CARMIL2: variants seen among roughly 807,000 people sequenced by gnomAD.
The protein encoded by CARMIL2 is capping protein regulator and myosin 1 linker 2, also known as capping protein, Arp2/3 and myosin-I linker protein 2.
A neutral mutation model predicts 173.3 loss-of-function variants in CARMIL2; 96 were observed. The ratio of observed to expected loss-of-function variants is 0.55; its 90% CI spans 0.47 to 0.66. The LOEUF (loss-of-function observed/expected upper bound fraction) is 0.66. Ranked by LOEUF, CARMIL2 falls within the 30% of genes least tolerant of loss-of-function variation. The pLI is 0.00. For missense variants in CARMIL2, 1,771 were observed against 1,906.7 expected (o/e 0.93, Z 1.33); for synonymous variants, 830 against 817.1 (o/e 1.02, Z -0.27).
In CARMIL2 at chr16:67,647,174, T is replaced by C; in HGVS notation, c.670T>C (p.Cys224Arg). 1.2e-6 allele frequency: 2 copies of C among 1,613,750 alleles called. No homozygotes were observed. Among genetic ancestry groups the C allele is most frequent in the Non-Finnish European group, 1.7e-6 (2 of 1,179,828 alleles). ...CAACCTGTGGTTCCGGTGCCTCTCC[T>C]GTGTGGACATGAAGCTGGTGAGGGG... The part of the protein sequence containing the change: ...SYNLWFRCLS[C>R]VDMKLSLEVS... Residue 224 changes from cysteine (C) to arginine (R), a missense_variant, in exon 9 of 38, where the codon TGT becomes CGT. By Grantham distance (180) the Cys-to-Arg change is radical. Transcript: ENST00000334583.
At position 67,649,905 on chromosome 16, in the gene CARMIL2, A is replaced by C. The variant is rs1242162888; in HGVS notation, c.2019A>C (p.Pro673=). Residue 673 remains proline, a synonymous_variant, in exon 21 of 38, where the codon CCA becomes CCC. Transcript: ENST00000334583. The surrounding 1 kb of genome is among the most constrained non-coding windows in gnomAD (Gnocchi z 6.7). ...QNHSLKAMPL[P]LNDVAQAQRS... is the part of the protein sequence containing the mutation. ...ACAGCCTGAAGGCCATGCCTCTGCCACTGAACGACGTGGCCCAGGCGCAGC... is the reference window on the plus strand; with the variant it reads ...ACAGCCTGAAGGCCATGCCTCTGCCCCTGAACGACGTGGCCCAGGCGCAGC... The C allele has an allele frequency of 2.5e-6, 4 of 1,613,024 alleles. No homozygotes were observed. Among genetic ancestry groups the C allele is most frequent in the Non-Finnish European group, 3.4e-6 (4 of 1,179,810 alleles).
In CARMIL2 at chr16:67,648,949, G is replaced by T. The variant is rs758246872; in HGVS notation, c.1566G>T (p.Val522=). Residue 522 remains valine, a synonymous_variant, in exon 17 of 38, where the codon GTG becomes GTT. Transcript: ENST00000334583. The surrounding 1 kb of genome is among the most constrained non-coding windows in gnomAD (Gnocchi z 6.1). ...ACTTAGTGTGCGACGCAGGCGCTGTGAGCTCCCTGGATCTGGCGGATAACG... is the reference window on the plus strand; with the variant it reads ...ACTTAGTGTGCGACGCAGGCGCTGTTAGCTCCCTGGATCTGGCGGATAACG... The part of the protein sequence containing the change: ...IQDLVCDAGA[V]SSLDLADNGF... The T allele has an allele frequency of 1.2e-6, 2 of 1,609,932 alleles. No individual in the cohort carries two copies. Among genetic ancestry groups the T allele is most frequent in the Admixed American group, 1.7e-5 (1 of 59,484 alleles).
At position 67,648,569 on chromosome 16, in the gene CARMIL2, C is replaced by T; in HGVS notation, c.1439+67C>T. 6.8e-7 allele frequency: 1 copy of T among 1,471,978 alleles called. No homozygotes were observed. Among genetic ancestry groups the T allele is most frequent in the East Asian group, 2.5e-5 (1 of 40,288 alleles). The allele number at this position is 1,471,978 out of a possible 1,614,324, so 91.2% of individuals were successfully genotyped here. A position where few individuals can be genotyped will look rare whatever the true frequency, so the allele number is the denominator to read the frequency against. On this transcript the variant is annotated intron_variant, in intron 15 of 37. Coordinates refer to ENST00000334583, the MANE Select transcript of CARMIL2 (RefSeq NM_001013838.3). This position sits in a 1 kb window ranked among gnomAD's most constrained non-coding sequence, Gnocchi z 6.1. ...CCCTGCCCTGGCCTTCGCCCCTCCCCGCTCCTGCTTCTGTCGCTCCCACAA... is the reference window on the plus strand; with the variant it reads ...CCCTGCCCTGGCCTTCGCCCCTCCCTGCTCCTGCTTCTGTCGCTCCCACAA...
At position 67,648,340 on chromosome 16, in the gene CARMIL2, G is replaced by A; in HGVS notation, c.1334+26G>A. On this transcript the variant is annotated intron_variant, in intron 14 of 37. Coordinates refer to ENST00000334583, the MANE Select transcript of CARMIL2 (RefSeq NM_001013838.3). This position sits in a 1 kb window ranked among gnomAD's most constrained non-coding sequence, Gnocchi z 6.1. ...GTAAGGGGGACCTGTCGGGGCCGGG[G>A]GAGGCTGCTGGAAGCCGCCTCCTTG... 2 of 1,567,388 alleles carry A rather than the reference G, an allele frequency of 1.3e-6. No homozygotes were observed. Among genetic ancestry groups the A allele is most frequent in the South Asian group, 2.3e-5 (2 of 87,062 alleles).
At position 67,645,195 on chromosome 16, in the gene CARMIL2, C is replaced by T. The variant is rs1784422218; in HGVS notation, c.-52C>T. The T allele has an allele frequency of 1.4e-6, 2 of 1,474,704 alleles. No homozygotes were observed. 91.4% of individuals were successfully genotyped at this position (1,474,704 alleles called of 1,614,324 possible). ...CCAGGCTTCCTGTGTGCGCGCTCGT[C>T]CTCTGCTGTTTCCCGCCGGAGCTCG... On this transcript the variant is annotated 5_prime_UTR_variant, in exon 1 of 38. Coordinates refer to ENST00000334583, the MANE Select transcript of CARMIL2 (RefSeq NM_001013838.3).
At position 67,645,654 on chromosome 16, in the gene CARMIL2, G is replaced by A. The variant is rs370161826; in HGVS notation, c.132+23G>A. On this transcript the variant is annotated intron_variant, in intron 2 of 37. Transcript: ENST00000334583. ...CTGGTATGGGGCAGGGGACAGAGCC[G>A]GGGAGGCGGCTGTGGCCCCACAGAA... The A allele has an allele frequency of 1.1e-4, 181 of 1,613,118 alleles. 2 individuals are homozygous for A. In the Middle Eastern group the frequency reaches 3.8e-3, roughly 34 times the overall value.
In CARMIL2 at chr16:67,656,886, G is replaced by A; in HGVS notation, c.4117+5G>A. The stretch of plus-strand genomic sequence containing the variant: ...ACCAGCTCCAGGCCCCTGCTGGTGA[G>A]GGGAGACACCTCCACGTGTGCTTGA... On this transcript the variant is annotated splice_donor_5th_base_variant and intron_variant, in intron 36 of 37. Transcript: ENST00000334583. The A allele has an allele frequency of 6.5e-7, 1 of 1,542,606 alleles. No individual in the cohort carries two copies. Among genetic ancestry groups the A allele is most frequent in the Non-Finnish European group, 8.8e-7 (1 of 1,141,208 alleles).
chr16:67,654,440 G>A lies in CARMIL2; in HGVS notation c.3330G>A (p.Thr1110=), dbSNP rs773523657. ...TTGCCTTCAAGAAGCCTCGTTCAACGCGGGGTCCACGGACTGATCTAGAGA... is the reference window on the plus strand; with the variant it reads ...TTGCCTTCAAGAAGCCTCGTTCAACACGGGGTCCACGGACTGATCTAGAGA... ...TLFAFKKPRS[T]RGPRTDLETS... The change falls in exon 31 of 38, where the codon ACG becomes ACA. Residue 1110 remains threonine (T), a synonymous_variant. Coordinates refer to ENST00000334583, the MANE Select transcript of CARMIL2 (RefSeq NM_001013838.3). 3.1e-6 allele frequency: 5 copies of A among 1,612,664 alleles called. No individual in the cohort carries two copies. In the African/African-American group the frequency reaches 4.0e-5, roughly 13 times the overall value.
chr16:67,648,245 C>T lies in CARMIL2; in HGVS notation c.1265C>T (p.Ala422Val), dbSNP rs780414233. 12 of 1,602,562 alleles carry T rather than the reference C, an allele frequency of 7.5e-6. No homozygotes were observed. The highest frequency in any genetic ancestry group is 9.3e-6 in the Non-Finnish European group (11 of 1,176,854). Residue 422 changes from alanine (A) to valine (V), a missense_variant, in exon 14 of 38, where the codon GCA (alanine) becomes GTA (valine). Ala to Val is a moderately conservative substitution (Grantham distance 64). This residue lies in a region of CARMIL2 where 944 missense variants were observed against 975.6 expected (regional missense o/e 0.97). Transcript: ENST00000334583. This position sits in a 1 kb window ranked among gnomAD's most constrained non-coding sequence, Gnocchi z 6.1. ...AACAGCCTCCCCCCGCAGCTCTTCG[C>T]AGCGGTATCCCGAGGCTGCTGCACC... Reference protein sequence around the residue: ...VANSLPPQLFAAVSRGCCTSL... With the variant: ...VANSLPPQLFVAVSRGCCTSL...
rs1217007834 is a variant in CARMIL2 at position 67,647,879 on chromosome 16, A to G, written c.992A>G (p.Asn331Ser). 3.1e-6 allele frequency: 5 copies of G among 1,611,122 alleles called. No homozygotes were observed. Among genetic ancestry groups the G allele is most frequent in the Non-Finnish European group, 4.2e-6 (5 of 1,178,914 alleles). Residue 331 changes from asparagine to serine, a missense_variant, in exon 13 of 38, where the codon AAT becomes AGT. Asn to Ser is a conservative substitution (Grantham distance 46). Around this residue, in one of 3 missense-constraint regions of CARMIL2, gnomAD observed 944 missense variants for 975.6 expected, o/e 0.97. Transcript: ENST00000334583. ...MRALGRALAT[N>S]AAFDSTLTHL... Reference sequence around the variant, plus strand: ...GCTCTGGGCCGGGCACTGGCCACCAATGCCGCCTTCGACTCCACCCTGACC... The same window carrying G: ...GCTCTGGGCCGGGCACTGGCCACCAGTGCCGCCTTCGACTCCACCCTGACC...
At position 67,645,522 on chromosome 16, in the gene CARMIL2, C is replaced by T; in HGVS notation, c.41-18C>T. On this transcript the variant is annotated intron_variant, in intron 1 of 37. Transcript: ENST00000334583. ...CTGTGCAAGGACTGAAGTCACCCAG[C>T]AGGCTGCCCTTCCACAGGCGAGATC... 1 of 1,576,638 alleles carries T rather than the reference C, an allele frequency of 6.3e-7. No individual in the cohort carries two copies. The highest frequency in any genetic ancestry group is 8.6e-7 in the Non-Finnish European group (1 of 1,160,542).
intron 21 of CARMIL2, 34 bp from the exon 22 acceptor site, chr16:67,650,015 T>G: frequency 6.2e-7 from 1 of 1,613,490 alleles, no homozygotes; most frequent in South Asian, 1.1e-5. Flanking sequence ...GGTAACTCCG[T>G]CCCTCGGCAT....
intron 34 of CARMIL2, 50 bp from the exon 35 acceptor site, chr16:67,656,374 C>A (rs763951267): frequency 3.1e-6 from 5 of 1,610,074 alleles, no homozygotes; most frequent in Non-Finnish European, 4.2e-6. Context: ...GTTGTTCAGA[C>A]CTATCGCCAA....
intron 1 of CARMIL2, 26 bp downstream of exon 1, chr16:67,645,312 T>A (rs2052573336): frequency 1.3e-6 from 2 of 1,593,524 alleles, no homozygotes; most frequent in Admixed American, 1.7e-5. Flanking sequence ...TCCTGCCTTC[T>A]TGGCCGGGAG....
intron 9 of CARMIL2, 54 bp downstream of exon 9, chr16:67,647,245 C>T (rs2052610500): frequency 1.9e-6 from 3 of 1,610,566 alleles, no homozygotes; most frequent in African/African-American, 2.7e-5. Context: ...GGCCAGGGTG[C>T]AGCCCGCTGA....
At position 67,652,160 on chromosome 16, in the gene CARMIL2, G is replaced by A. The variant is rs751956152; in HGVS notation, c.2677-39G>A. 3.1e-6 allele frequency: 5 copies of A among 1,606,190 alleles called. No homozygotes were observed. In the Admixed American group the frequency reaches 8.4e-5, roughly 27 times the overall value. ...AGTTAGCATCAATGGGATCATGGCT[G>A]AGGCCCTACCTGCCATCTTTGGCTG... On this transcript the variant is annotated intron_variant, in intron 26 of 37. Coordinates refer to ENST00000334583, the MANE Select transcript of CARMIL2 (RefSeq NM_001013838.3). The surrounding 1 kb of genome is among the most constrained non-coding windows in gnomAD (Gnocchi z 4.7).
Position 67,653,053 on chromosome 16 carries a change from G to A in CARMIL2, c.2919G>A (p.Leu973=). The change falls in exon 29 of 38, where the codon CTG becomes CTA. Residue 973 remains leucine (L), a synonymous_variant. Transcript: ENST00000334583. The surrounding 1 kb of genome is among the most constrained non-coding windows in gnomAD (Gnocchi z 7.4). ...AGGAAGCGGAGCCGGAGCCCGAGCTGGCGGCTCCGGGAGAAGATGCAGAGC... is the reference window on the plus strand; with the variant it reads ...AGGAAGCGGAGCCGGAGCCCGAGCTAGCGGCTCCGGGAGAAGATGCAGAGC... ...AAEEAEPEPE[L]AAPGEDAEPQ... 7.9e-7 allele frequency: 1 copy of A among 1,268,664 alleles called. No homozygotes were observed. The highest frequency in any genetic ancestry group is 1.0e-6 in the Non-Finnish European group (1 of 996,178). 78.6% of individuals were successfully genotyped at this position (1,268,664 alleles called of 1,614,324 possible). A position where few individuals can be genotyped will look rare whatever the true frequency, so the allele number is the denominator to read the frequency against.
In CARMIL2 at chr16:67,651,484, G is replaced by C; in HGVS notation, c.2397G>C (p.Gln799His). 6.3e-7 allele frequency: 1 copy of C among 1,596,918 alleles called. No individual in the cohort carries two copies. Among genetic ancestry groups the C allele is most frequent in the South Asian group, 1.1e-5 (1 of 88,322 alleles). ...LGQKLEGLLR[Q>H]VGEVCRQDIQ... is the part of the protein sequence containing the mutation. Reference sequence around the variant, plus strand: ...AGAAGCTGGAGGGCCTTCTGAGACAGGTGGGCGAGGTCTGCCGCCAGGACA... The same window carrying C: ...AGAAGCTGGAGGGCCTTCTGAGACACGTGGGCGAGGTCTGCCGCCAGGACA... Residue 799 changes from glutamine (Q) to histidine (H), a missense_variant, in exon 24 of 38, where the codon CAG becomes CAC. Gln to His is a conservative substitution (Grantham distance 24). This residue lies in a region of CARMIL2 where 817 missense variants were observed against 903.5 expected (regional missense o/e 0.90). Transcript: ENST00000334583. This position sits in a 1 kb window ranked among gnomAD's most constrained non-coding sequence, Gnocchi z 4.2.
chr16:67,657,251 G>A lies in CARMIL2; in HGVS notation c.4130G>A (p.Arg1377Lys). 6.2e-7 allele frequency: 1 copy of A among 1,613,760 alleles called. No homozygotes were observed. Among genetic ancestry groups the A allele is most frequent in the Non-Finnish European group, 8.5e-7 (1 of 1,179,818 alleles). The part of the protein sequence containing the change: ...QLQAPAERPL[R>K]LQRSPVLKRR... ...CTGTGTCCCTTAGAACGGCCCCTGA[G>A]GCTGCAGCGCTCCCCCGTCCTCAAA... Residue 1377 changes from arginine to lysine, a missense_variant, in exon 37 of 38, where the codon AGG becomes AAG. This residue lies in a region of CARMIL2 where 817 missense variants were observed against 903.5 expected (regional missense o/e 0.90). Coordinates refer to ENST00000334583, the MANE Select transcript of CARMIL2 (RefSeq NM_001013838.3). This position sits in a 1 kb window ranked among gnomAD's most constrained non-coding sequence, Gnocchi z 4.5.
Sources: gnomAD v4.1 joint callset for allele counts on GRCh38, gnomAD v4.1.1 for gene constraint, gnomAD v4.1.1 regional missense constraint, Gnocchi (gnomAD v3.1) non-coding constraint, MANE v1.5 for transcripts, NCBI Gene and HGNC (gene_info 2026-07-23, HGNC 2026-07-21) for gene names.